Variants in INSL6 observed in about 807,000 individuals in gnomAD.
The protein encoded by INSL6 is insulin like 6.
A neutral mutation model predicts 9.4 loss-of-function variants in INSL6; 16 were observed. The observed-to-expected ratio is 1.70, with a 90% confidence interval of 1.15 to 2.59. INSL6 has a LOEUF of 2.59. Ranked by LOEUF, INSL6 falls within the 30% of genes most tolerant of loss-of-function variation. The pLI is 0.00. For synonymous variants in INSL6, 154 were observed against 96.9 expected, an observed-to-expected ratio of 1.59 and a Z score of -3.46; for missense variants, 391 against 257.3, an observed-to-expected ratio of 1.52 and a Z score of -3.56.
At chr9:5,121,127 A>G (rs1823587480), downstream of INSL6, among the ~76,000 whole-genome samples, 1 of 152,202 alleles carries the variant, frequency 6.6e-6, no homozygotes, top group Admixed American at 6.5e-5. Flanking sequence ...TAGTGTTGGG[A>G]AAGTATAATT....
chr9:5,054,964 C>A, the INSL6 span: 1 of 1,068,722 alleles, frequency 9.4e-7, no homozygotes, highest in Non-Finnish European at 1.3e-6. The surrounding 1 kb of genome is among the most constrained non-coding windows in gnomAD (Gnocchi z 4.9). Context: ...TAATCATTTG[C>A]AACATGGTAT....
the INSL6 span, chr9:5,089,788 G>A: frequency 6.3e-7 from 1 of 1,599,976 alleles, no homozygotes; most frequent in Non-Finnish European, 8.5e-7. Flanking sequence ...AAGAGACTTT[G>A]AAAGGGAAAT....
At chr9:5,093,035 C>T in the INSL6 span, among the ~76,000 whole-genome samples, 2 of 152,100 alleles carry the variant, frequency 1.3e-5, no homozygotes, top group Non-Finnish European at 1.5e-5. Flanking sequence ...AATCACTCTA[C>T]GGAACTCCTA....
chr9:5,103,606 A>C, the INSL6 span, among the ~76,000 whole-genome samples: 6 of 152,178 alleles, frequency 3.9e-5, no homozygotes, highest in Admixed American at 3.9e-4. Flanking sequence ...ACCCCAAATC[A>C]ACAGAATATA....
chr9:5,045,474 A>G, the INSL6 span, among the ~76,000 whole-genome samples: 1 of 152,222 alleles, frequency 6.6e-6, no homozygotes, highest in Non-Finnish European at 1.5e-5. Context: ...TGTATTAAGT[A>G]CAAATACATT....
the INSL6 span, chr9:5,109,324 G>A: frequency 2.6e-5 from 4 of 152,032 alleles, no homozygotes; most frequent in African/African-American, 9.7e-5. Flanking sequence ...ACATTAAATT[G>A]TGGATCTAAT....
chr9:5,034,567 A>T, the INSL6 span, among the ~76,000 whole-genome samples: 1 of 152,032 alleles, frequency 6.6e-6, no homozygotes, highest in Non-Finnish European at 1.5e-5. Flanking sequence ...TCAAACTAGA[A>T]CTCAGGATTA....
chr9:5,075,396 G>T, the INSL6 span, among the ~76,000 whole-genome samples: 1 of 152,168 alleles, frequency 6.6e-6, no homozygotes, highest in Admixed American at 6.6e-5. Context: ...AGCTTCGAAG[G>T]ACAGGCTGAC....
At chr9:5,048,171 T>C in the INSL6 span, among the ~76,000 whole-genome samples, 6 of 152,022 alleles carry the variant, frequency 3.9e-5, no homozygotes, top group Non-Finnish European at 8.8e-5. Flanking sequence ...AGATGGAGTC[T>C]CCCACTGTTG....
At chr9:5,139,733 C>A (rs1564037038) in intron 2 of INSL6, among the ~76,000 whole-genome samples, 1 of 152,150 alleles carries the variant, frequency 6.6e-6, no homozygotes, top group Non-Finnish European at 1.5e-5. Flanking sequence ...AAGATCTGCT[C>A]AGGAACACAG....
intron 2 of INSL6, among the ~76,000 whole-genome samples, chr9:5,156,095 T>C (rs911511655): frequency 2.0e-5 from 3 of 151,842 alleles, no homozygotes; most frequent in Admixed American, 6.6e-5. Flanking sequence ...TTTATGCCAA[T>C]AAATATGACT....
the INSL6 span, among the ~76,000 whole-genome samples, chr9:5,060,546 G>A: frequency 6.6e-6 from 1 of 152,160 alleles, no homozygotes; most frequent in South Asian, 2.1e-4. Context: ...TGCATAAGAA[G>A]CAACTTATCT....
chr9:5,081,550 C>G, the INSL6 span, among the ~76,000 whole-genome samples: 2 of 152,130 alleles, frequency 1.3e-5, no homozygotes, highest in African/African-American at 2.4e-5. Flanking sequence ...GAAGGCCTGT[C>G]AGATTATGGG....
At chr9:5,113,009 AAGGAAGGTGAGTGATGGGGGTG>A in the INSL6 span, among the ~76,000 whole-genome samples, 19 of 152,146 alleles carry the variant, frequency 1.2e-4, no homozygotes, top group East Asian at 3.5e-3. Context: ...TGATGGGGGC[AAGGAAGGTGAGTGATGGGGGTG>A]AGGAAGGTGA....
At chr9:5,101,321 G>A in the INSL6 span, among the ~76,000 whole-genome samples, 1 of 152,244 alleles carries the variant, frequency 6.6e-6, no homozygotes, top group Non-Finnish European at 1.5e-5. Flanking sequence ...CAGCAGCCTG[G>A]CAGGCGGAGG....
chr9:5,170,754 T>A (rs2130911692), intron 1 of INSL6, among the ~76,000 whole-genome samples: 1 of 152,128 alleles, frequency 6.6e-6, no homozygotes, highest in South Asian at 2.1e-4. Flanking sequence ...AATGGATAAA[T>A]TCCTGAACAC....
At chr9:5,141,037 G>A (rs1314582229) in intron 2 of INSL6, among the ~76,000 whole-genome samples, 2 of 152,080 alleles carry the variant, frequency 1.3e-5, no homozygotes, top group African/African-American at 4.8e-5. Flanking sequence ...CAAAGGACAT[G>A]ATCTCATTCC....
At chr9:5,105,548 G>C in the INSL6 span, among the ~76,000 whole-genome samples, 3 of 152,070 alleles carry the variant, frequency 2.0e-5, no homozygotes, top group Non-Finnish European at 4.4e-5. Context: ...TTTTTTCATA[G>C]AACTGGAAAC....
chr9:5,002,225 G>A, the INSL6 span, among the ~76,000 whole-genome samples: 1 of 151,272 alleles, frequency 6.6e-6, no homozygotes, highest in Non-Finnish European at 1.5e-5. Context: ...TAGCTACCTA[G>A]GAAGCTTACA....
Sources: allele counts gnomAD v4.1 joint callset (sites outside exome capture counted in the v4.1 genomes callset), GRCh38; gene constraint gnomAD v4.1.1; non-coding constraint Gnocchi (gnomAD v3.1); transcripts MANE v1.5; gene names NCBI Gene and HGNC (gene_info 2026-07-23, HGNC 2026-07-21).